KTN1: variants seen among roughly 807,000 people sequenced by gnomAD.
The protein encoded by KTN1 is kinectin 1.
KTN1 carries 130 observed loss-of-function variants against 222.5 expected under a neutral mutation model. The ratio of observed to expected loss-of-function variants is 0.58; its 90% CI spans 0.51 to 0.68. The LOEUF is 0.68. Ranked by LOEUF, KTN1 falls within the 30% of genes least tolerant of loss-of-function variation. The pLI is 0.00. For missense variants in KTN1, 1,508 were observed against 1,500.4 expected (o/e 1.01, Z -0.08); for synonymous variants, 512 against 496.3 (o/e 1.03, Z -0.42).
chr14:55,660,983 C>G (rs1595184354), intron 31 of KTN1, among the ~76,000 whole-genome samples: 1 of 152,240 alleles, frequency 6.6e-6, no homozygotes, highest in East Asian at 1.9e-4. Flanking sequence ...AATTATGAAT[C>G]TTTGCCATTG....
rs2041141836 is a variant in KTN1 at position 55,636,546 on chromosome 14, A to G, written c.1549+10A>G. 1 of 1,589,542 alleles carries G rather than the reference A, an allele frequency of 6.3e-7. No individual in the cohort carries two copies. Among genetic ancestry groups the G allele is most frequent in the Middle Eastern group, 1.7e-4 (1 of 6,008 alleles). The stretch of plus-strand genomic sequence containing the variant: ...GAGGCAGCACAGCAAGGTAAGGGGA[A>G]GAAGTATTCATGTAAACTTTGTATA... On this transcript the variant is annotated intron_variant, in intron 10 of 43. Transcript: ENST00000395314.
chr14:55,582,790 G>A (rs2032015042), intron 1 of KTN1, among the ~76,000 whole-genome samples: 1 of 152,138 alleles, frequency 6.6e-6, no homozygotes, highest in South Asian at 2.1e-4. Flanking sequence ...ATAAGGAAAT[G>A]AGAAAAATCG....
intron 5 of KTN1, among the ~76,000 whole-genome samples, chr14:55,625,186 T>C (rs1451199528): frequency 1.3e-5 from 2 of 152,166 alleles, no homozygotes; most frequent in African/African-American, 4.8e-5. Flanking sequence ...AGTGACTCAG[T>C]TTTCCCATGG....
At chr14:55,657,360 C>T (rs2043590616) in intron 29 of KTN1, among the ~76,000 whole-genome samples, 1 of 146,382 alleles carries the variant, frequency 6.8e-6, no homozygotes, top group Non-Finnish European at 1.5e-5. Context: ...TATGAATTGT[C>T]CTTTAATTTT....
chr14:55,643,004 G>C (rs1356301063), intron 18 of KTN1, among the ~76,000 whole-genome samples: 1 of 151,870 alleles, frequency 6.6e-6, no homozygotes, highest in Admixed American at 6.6e-5. Context: ...CCACCTCCCA[G>C]GTTAAAGCCA....
At chr14:55,654,079 T>G (rs1179027052) in intron 28 of KTN1, among the ~76,000 whole-genome samples, 2 of 152,176 alleles carry the variant, frequency 1.3e-5, no homozygotes, top group Non-Finnish European at 2.9e-5. Flanking sequence ...ATAGGAAAAC[T>G]GAATCTAGTC....
chr14:55,598,699 TTTTATTACATTA>T (rs2035481560), intron 1 of KTN1, among the ~76,000 whole-genome samples: 1 of 152,252 alleles, frequency 6.6e-6, no homozygotes, highest in African/African-American at 2.4e-5. Context: ...TCTATGGAGA[TTTTATTACATTA>T]TTCTTTGGCT....
chr14:55,654,538 AT>A (rs143099004), intron 28 of KTN1, among the ~76,000 whole-genome samples: 13,125 of 140,812 alleles, frequency 0.093, 592 homozygotes, highest in South Asian at 0.12. Flanking sequence ...TCTGCCTTAC[AT>A]TTTTTTTTTT....
At chr14:55,639,254 T>G (rs768267881) in intron 13 of KTN1, 32 bp downstream of exon 13, 2 of 1,496,366 alleles carry the variant, frequency 1.3e-6, no homozygotes, top group Non-Finnish European at 1.9e-6. Flanking sequence ...CTTATAATTG[T>G]GTAGTCACCA....
Position 55,617,845 on chromosome 14 carries a change from A to G in KTN1, c.662-119A>G. 4 of 742,812 alleles carry G rather than the reference A, an allele frequency of 5.4e-6. 1 individual carries two copies. The South Asian group carries it at 8.5e-5, about 16-fold the overall frequency. The allele number at this position is 742,812 out of a possible 1,614,324, so 46.0% of individuals were successfully genotyped here. Reference sequence around the variant, plus strand: ...AATGACGAAATAGGAATTTAAAACCAATTTGAGCTACCAGTAAATGTTTCA... The same window carrying G: ...AATGACGAAATAGGAATTTAAAACCGATTTGAGCTACCAGTAAATGTTTCA... On this transcript the variant is annotated intron_variant, in intron 3 of 43. Transcript: ENST00000395314.
At chr14:55,671,973 C>A in intron 37 of KTN1, 96 bp downstream of exon 37, 1 of 730,174 alleles carries the variant, frequency 1.4e-6, no homozygotes, top group Non-Finnish European at 2.4e-6. Context: ...GGGCCCCAAC[C>A]CAGCTACCAA....
chr14:55,646,436 C>CTTCCTTTCCTTTCCTTTCCT (rs2042290777), intron 18 of KTN1, among the ~76,000 whole-genome samples: 1 of 96,876 alleles, frequency 1.0e-5, no homozygotes, highest in African/African-American at 4.3e-5. Flanking sequence ...CCTTCCTTTC[C>CTTCCTTTCCTTTCCTTTCCT]TTTCCTTTTC....
In KTN1 at chr14:55,647,012, G is replaced by C. The variant is rs1434838755; in HGVS notation, c.2207+5G>C. 1 of 1,495,214 alleles carries C rather than the reference G, an allele frequency of 6.7e-7. No individual in the cohort carries two copies. Among genetic ancestry groups the C allele is most frequent in the Non-Finnish European group, 9.3e-7 (1 of 1,075,632 alleles). The allele number at this position is 1,495,214 out of a possible 1,614,324, so 92.6% of individuals were successfully genotyped here. A position where few individuals can be genotyped will look rare whatever the true frequency, so the allele number is the denominator to read the frequency against. Reference sequence around the variant, plus strand: ...TGTGGAACAAATGGAAAAATGGTAAGAGTTTAGTTTTCTTTTTATATTTTG... The same window carrying C: ...TGTGGAACAAATGGAAAAATGGTAACAGTTTAGTTTTCTTTTTATATTTTG... On this transcript the variant is annotated splice_donor_5th_base_variant and intron_variant, in intron 19 of 43. Coordinates refer to ENST00000395314, the MANE Select transcript of KTN1 (RefSeq NM_001079521.2).
chr14:55,628,106 A>G, intron 6 of KTN1, 78 bp downstream of exon 6: 2 of 879,854 alleles, frequency 2.3e-6, no homozygotes, highest in Admixed American at 4.5e-5. Flanking sequence ...GTCCATAATC[A>G]GTAGTTTAAT....
chr14:55,609,695 G>T (rs576209659), intron 1 of KTN1, among the ~76,000 whole-genome samples: 15 of 152,214 alleles, frequency 9.9e-5, no homozygotes, highest in African/African-American at 3.6e-4. Flanking sequence ...CAGGGCTGCA[G>T]CTTATTCATT....
At chr14:55,652,016 A>C in intron 25 of KTN1, 89 bp downstream of exon 25, 1 of 847,260 alleles carries the variant, frequency 1.2e-6, no homozygotes, top group Non-Finnish European at 1.9e-6. Context: ...CTTGATTTCA[A>C]GTGGTGTTTT....
At chr14:55,652,969 C>T (rs1278207479) in intron 26 of KTN1, 29 bp downstream of exon 26, 1 of 1,573,058 alleles carries the variant, frequency 6.4e-7, no homozygotes, top group Non-Finnish European at 8.7e-7. Context: ...TAAAAAATAG[C>T]CTTTTTATAC....
chr14:55,606,607 A>G (rs904018678), intron 1 of KTN1, among the ~76,000 whole-genome samples: 1 of 152,178 alleles, frequency 6.6e-6, no homozygotes, highest in Non-Finnish European at 1.5e-5. Context: ...TAAAAAATAT[A>G]ATTCAAAATT....
At chr14:55,611,521 C>T (rs541784031) in intron 1 of KTN1, among the ~76,000 whole-genome samples, 1 of 152,226 alleles carries the variant, frequency 6.6e-6, no homozygotes, top group South Asian at 2.1e-4. Flanking sequence ...TGTAAAGATG[C>T]AAGCAGTTGG....
Sources: allele counts gnomAD v4.1 joint callset (sites outside exome capture counted in the v4.1 genomes callset), GRCh38; gene constraint gnomAD v4.1.1; transcripts MANE v1.5; gene names NCBI Gene and HGNC (gene_info 2026-07-23, HGNC 2026-07-21).